UBE3A: variants seen among roughly 807,000 people sequenced by gnomAD.
The protein encoded by UBE3A is ubiquitin-protein ligase E3A.
Under a neutral mutation model 83.4 loss-of-function variants are expected in UBE3A, and 6 were observed. That is an observed-to-expected ratio of 0.07 (90% CI 0.04 to 0.14). The LOEUF is 0.14. Ranked by LOEUF, UBE3A falls within the 10% of genes least tolerant of loss-of-function variation. UBE3A has a pLI of 1.00. For synonymous variants in UBE3A, 337 were observed against 355.4 expected (o/e 0.95, Z 0.58); for missense variants, 456 against 1,036.1 (o/e 0.44, Z 7.69).
chr15:25,338,506 T>C lies in UBE3A; in HGVS notation c.*631A>G, dbSNP rs2074188081. 6.6e-6 allele frequency: 1 copy of C among 150,796 alleles called. No individual in the cohort carries two copies. Among genetic ancestry groups the C allele is most frequent in the South Asian group, 2.1e-4 (1 of 4,764 alleles). 9.3% of individuals were successfully genotyped at this position (150,796 alleles called of 1,614,324 possible). A position where few individuals can be genotyped will look rare whatever the true frequency, so the allele number is the denominator to read the frequency against. On this transcript the variant is annotated 3_prime_UTR_variant, in exon 13 of 13. Transcript: ENST00000648336. Reference sequence around the variant, plus strand: ...CAGTTAAAACATTCCAATTTCTCCCTTCCTTCCATCTTTCTTTATTGATTG... The same window carrying C: ...CAGTTAAAACATTCCAATTTCTCCCCTCCTTCCATCTTTCTTTATTGATTG...
chr15:25,376,584 A>G (rs1250850195), intron 4 of UBE3A, among the ~76,000 whole-genome samples: 2 of 152,100 alleles, frequency 1.3e-5, no homozygotes, highest in Non-Finnish European at 2.9e-5. Flanking sequence ...CAAGGCTGCC[A>G]TAAGCTGAAA....
rs374706298 is a variant in UBE3A at position 25,409,112 on chromosome 15, T to C, written c.-5A>G. 9 of 1,595,448 alleles carry C rather than the reference T, an allele frequency of 5.6e-6. No homozygotes were observed. The Admixed American group carries it at 8.6e-5, about 15-fold the overall frequency. On this transcript the variant is annotated 5_prime_UTR_variant, in exon 3 of 13. Transcript: ENST00000648336. ...CCTTTTACAAGCTGTGGCCATTCGG[T>C]GACATCAGGGTGATCACAGCTTTGA... is the stretch of plus-strand genomic sequence containing the variant.
At chr15:25,363,042 G>A (rs1254127506) in intron 6 of UBE3A, among the ~76,000 whole-genome samples, 1 of 152,136 alleles carries the variant, frequency 6.6e-6, no homozygotes, top group African/African-American at 2.4e-5. Flanking sequence ...GAGAGGCCCT[G>A]TGTTCTATCT....
At chr15:25,369,570 AGTATAC>A (rs1206237076) in intron 6 of UBE3A, among the ~76,000 whole-genome samples, 22 of 152,170 alleles carry the variant, frequency 1.4e-4, no homozygotes, top group Admixed American at 1.4e-3. Context: ...CAACTTTACT[AGTATAC>A]TATAGTATTA....
intron 4 of UBE3A, among the ~76,000 whole-genome samples, chr15:25,382,934 T>C (rs984903059): frequency 4.0e-5 from 6 of 151,880 alleles, no homozygotes; most frequent in African/African-American, 1.5e-4. Flanking sequence ...TATTAGAGAT[T>C]GAATCAGTAA....
intron 1 of UBE3A, among the ~76,000 whole-genome samples, chr15:25,424,037 C>T (rs1220815103): frequency 6.6e-6 from 1 of 152,176 alleles, no homozygotes; most frequent in Non-Finnish European, 1.5e-5. Flanking sequence ...CTATGATTAA[C>T]ACAGCAACCA....
chr15:25,385,365 A>T (rs1329059639), intron 4 of UBE3A, among the ~76,000 whole-genome samples: 3 of 152,204 alleles, frequency 2.0e-5, no homozygotes, highest in Non-Finnish European at 4.4e-5. Context: ...ACTGATCAGT[A>T]GGGAGAAATG....
intron 6 of UBE3A, among the ~76,000 whole-genome samples, chr15:25,362,151 G>C (rs115065196): frequency 0.017 from 2,621 of 152,270 alleles, 75 homozygotes; most frequent in African/African-American, 0.059. Context: ...CATGTACTGG[G>C]ATGCTATGTA....
In UBE3A at chr15:25,335,901, C is replaced by A. The variant is rs1418909813; in HGVS notation, c.*3236G>T. ...AAACAAGTAGCCAGAGAAGCAACAG[C>A]CCAAGCTAGGGTGTTGTCAAGGTTA... On this transcript the variant is annotated 3_prime_UTR_variant, in exon 13 of 13. Transcript: ENST00000648336. 6.6e-6 allele frequency: 1 copy of A among 152,150 alleles called. No homozygotes were observed. Among genetic ancestry groups the A allele is most frequent in the African/African-American group, 2.4e-5 (1 of 41,404 alleles). The allele number at this position is 152,150 out of a possible 1,614,324, so 9.4% of individuals were successfully genotyped here.
intron 7 of UBE3A, among the ~76,000 whole-genome samples, chr15:25,359,038 C>A (rs866223469): frequency 2.9e-4 from 44 of 152,180 alleles, no homozygotes; most frequent in Admixed American, 1.9e-3. Flanking sequence ...CAGAATATAA[C>A]TCTGAAGTTC....
At chr15:25,341,996 T>G (rs1301066048) in intron 11 of UBE3A, among the ~76,000 whole-genome samples, 1 of 152,090 alleles carries the variant, frequency 6.6e-6, no homozygotes, top group Non-Finnish European at 1.5e-5. Context: ...CTCTTGCCAC[T>G]TCCCTTCCCT....
chr15:25,423,312 G>A (rs964203905), intron 1 of UBE3A, among the ~76,000 whole-genome samples: 1 of 152,078 alleles, frequency 6.6e-6, no homozygotes, highest in African/African-American at 2.4e-5. Flanking sequence ...AGGTAAATGA[G>A]CAGTCCCTAA....
At chr15:25,365,140 C>T (rs2078876707) in intron 6 of UBE3A, among the ~76,000 whole-genome samples, 1 of 151,980 alleles carries the variant, frequency 6.6e-6, no homozygotes, top group South Asian at 2.1e-4. Context: ...TTTTTAATTT[C>T]TGAACTTTTT....
At position 25,375,603 on chromosome 15, in the gene UBE3A, T is replaced by C; in HGVS notation, c.223A>G (p.Ile75Val). Residue 75 changes from isoleucine (I) to valine (V), a missense_variant, in exon 5 of 13, where the codon ATT becomes GTT. Physicochemically the swap from Ile to Val is conservative, Grantham distance 29. This residue lies in a region of UBE3A where 20 missense variants were observed against 50.4 expected (regional missense o/e 0.40). Coordinates refer to ENST00000648336, the MANE Select transcript of UBE3A (RefSeq NM_130839.5). ...TGAGGATCACAGAGTTTTGCATTAA[T>C]CTTATAAAGCTCGAGGGCTTTAATA... ...AAIKALELYKINAKLCDPHPS... is the reference protein window; with the variant it reads ...AAIKALELYKVNAKLCDPHPS... 2 of 1,614,148 alleles carry C rather than the reference T, an allele frequency of 1.2e-6. No homozygotes were observed. Among genetic ancestry groups the C allele is most frequent in the East Asian group, 2.2e-5 (1 of 44,878 alleles).
intron 1 of UBE3A, among the ~76,000 whole-genome samples, chr15:25,433,797 T>C (rs561082003): frequency 4.7e-4 from 71 of 152,272 alleles, no homozygotes; most frequent in African/African-American, 1.7e-3. Context: ...AATGCTCAGC[T>C]GGGCATGGTA....
At chr15:25,402,679 C>A (rs139566047) in intron 4 of UBE3A, among the ~76,000 whole-genome samples, 75 of 152,328 alleles carry the variant, frequency 4.9e-4, no homozygotes, top group African/African-American at 1.5e-3. Flanking sequence ...CACTTCCCCT[C>A]CTTCCCCCAG....
intron 6 of UBE3A, among the ~76,000 whole-genome samples, chr15:25,364,896 T>C (rs773357179): frequency 1.3e-5 from 2 of 152,108 alleles, no homozygotes; most frequent in African/African-American, 4.8e-5. Flanking sequence ...TCTGCCCGCC[T>C]TGGCCTCCCA....
At chr15:25,390,659 G>A (rs2084130921) in intron 4 of UBE3A, among the ~76,000 whole-genome samples, 1 of 152,138 alleles carries the variant, frequency 6.6e-6, no homozygotes, top group African/African-American at 2.4e-5. Flanking sequence ...AGAACACAGA[G>A]GATTTTGGGG....
Position 25,375,654 on chromosome 15 carries a change from G to A in UBE3A, c.172C>T (p.Leu58Phe), listed in dbSNP as rs2081082912. Residue 58 changes from leucine to phenylalanine, a missense_variant, in exon 5 of 13, where the codon CTT becomes TTT. Coordinates refer to ENST00000648336, the MANE Select transcript of UBE3A (RefSeq NM_130839.5). ...NEFCASCPTF[L>F]RMDNNAAAIK... ...GCTGCTGCATTATTATCCATACGAA[G>A]AAAAGTTGGACAGGAAGCACAAAAC... The A allele has an allele frequency of 1.2e-6, 2 of 1,614,138 alleles. No homozygotes were observed. The highest frequency in any genetic ancestry group is 3.3e-5 in the Admixed American group (2 of 60,022).
Sources: allele counts gnomAD v4.1 joint callset (sites outside exome capture counted in the v4.1 genomes callset), GRCh38; gene constraint gnomAD v4.1.1; regional missense constraint gnomAD v4.1.1; transcripts MANE v1.5; gene names NCBI Gene and HGNC (gene_info 2026-07-23, HGNC 2026-07-21).